C10orf67: variants seen among roughly 807,000 people sequenced by gnomAD.
The protein encoded by C10orf67 is chromosome 10 open reading frame 67.
A neutral mutation model predicts 35.6 loss-of-function variants in C10orf67; 60 were observed. That is an observed-to-expected ratio of 1.68 (90% CI 1.37 to 2.09). The LOEUF is 2.09. Ranked by LOEUF, C10orf67 falls within the 30% of genes most tolerant of loss-of-function variation. The pLI is 0.00. For synonymous variants in C10orf67, 167 were observed against 115.8 expected, an observed-to-expected ratio of 1.44 and a Z score of -2.84; for missense variants, 474 against 330.2, an observed-to-expected ratio of 1.44 and a Z score of -3.38.
chr10:23,227,424 G>C (rs908388253), intron 13 of C10orf67, among the ~76,000 whole-genome samples: 1 of 152,266 alleles, frequency 6.6e-6, no homozygotes. Context: ...ATTAGGTATT[G>C]ATGGGACATA....
At chr10:23,333,909 G>A (rs1412015911) in intron 1 of C10orf67, among the ~76,000 whole-genome samples, 1 of 152,086 alleles carries the variant, frequency 6.6e-6, no homozygotes, top group African/African-American at 2.4e-5. Flanking sequence ...AGGCTGCAGT[G>A]AGCTATGAAA....
At chr10:23,325,995 T>C (rs1010350005) in intron 2 of C10orf67, among the ~76,000 whole-genome samples, 7 of 151,894 alleles carry the variant, frequency 4.6e-5, no homozygotes, top group Non-Finnish European at 7.4e-5. Flanking sequence ...CAATAAAAAA[T>C]AGAAAGAAGA....
At chr10:23,267,767 G>T (rs976386619) in intron 8 of C10orf67, among the ~76,000 whole-genome samples, 1 of 151,920 alleles carries the variant, frequency 6.6e-6, no homozygotes, top group Non-Finnish European at 1.5e-5. Flanking sequence ...TTTTCCGGGC[G>T]TGGTGGTGGG....
intron 8 of C10orf67, among the ~76,000 whole-genome samples, chr10:23,272,502 G>A (rs1430142016): frequency 6.6e-6 from 1 of 152,266 alleles, no homozygotes; most frequent in East Asian, 1.9e-4. Flanking sequence ...CATTATATAT[G>A]ATCCATAAGT....
intron 2 of C10orf67, among the ~76,000 whole-genome samples, chr10:23,325,191 G>T (rs991390985): frequency 4.6e-5 from 7 of 151,998 alleles, no homozygotes; most frequent in Non-Finnish European, 1.0e-4. Flanking sequence ...TTAAAAATTA[G>T]CCAGGCGTGG....
chr10:23,266,143 C>A, intron 10 of C10orf67, 119 bp downstream of exon 10: 1 of 370,660 alleles, frequency 2.7e-6, no homozygotes, highest in Non-Finnish European at 4.6e-6. Flanking sequence ...TGGAGCCCCC[C>A]ACTCAGGGGG....
chr10:23,329,480 T>C (rs2132373331), intron 2 of C10orf67, among the ~76,000 whole-genome samples: 1 of 152,230 alleles, frequency 6.6e-6, no homozygotes, highest in African/African-American at 2.4e-5. Flanking sequence ...AAATAGATAT[T>C]CCCAATCTTA....
At chr10:23,222,374 T>C (rs7913464) in intron 15 of C10orf67, among the ~76,000 whole-genome samples, 19,413 of 152,090 alleles carry the variant, frequency 0.13, 2,386 homozygotes, top group East Asian at 0.66. Context: ...ACTTCCTAAA[T>C]AAAATTGCAG....
chr10:23,225,784 T>C (rs1841721079), intron 13 of C10orf67, among the ~76,000 whole-genome samples: 1 of 152,150 alleles, frequency 6.6e-6, no homozygotes, highest in Non-Finnish European at 1.5e-5. Context: ...GGCCATTACG[T>C]AATGGTAAAG....
intron 13 of C10orf67, among the ~76,000 whole-genome samples, chr10:23,226,088 C>T (rs530932974): frequency 6.6e-6 from 1 of 152,164 alleles, no homozygotes; most frequent in South Asian, 2.1e-4. Context: ...ACCAAGCAGA[C>T]CTAATAGACA....
At chr10:23,326,525 G>A (rs1313410611) in intron 2 of C10orf67, among the ~76,000 whole-genome samples, 1 of 152,028 alleles carries the variant, frequency 6.6e-6, no homozygotes, top group African/African-American at 2.4e-5. Context: ...AAATAATTTG[G>A]GCTGGAAAGC....
chr10:23,257,419 G>T (rs1842630889), intron 10 of C10orf67, among the ~76,000 whole-genome samples: 1 of 152,164 alleles, frequency 6.6e-6, no homozygotes, highest in African/African-American at 2.4e-5. Context: ...AGGTGGACAG[G>T]TTCTATAAGC....
intron 12 of C10orf67, among the ~76,000 whole-genome samples, chr10:23,246,702 C>T (rs1288028075): frequency 6.6e-6 from 1 of 152,098 alleles, no homozygotes; most frequent in Non-Finnish European, 1.5e-5. Context: ...AATCCTGACC[C>T]TGTGTAGGCT....
chr10:23,295,090 C>T (rs984600452), intron 5 of C10orf67, among the ~76,000 whole-genome samples: 5 of 152,164 alleles, frequency 3.3e-5, no homozygotes, highest in Admixed American at 6.5e-5. Flanking sequence ...TATGCTTTGT[C>T]GGGGTCTCCA....
intron 4 of C10orf67, among the ~76,000 whole-genome samples, chr10:23,309,979 G>T (rs545401417): frequency 6.6e-6 from 1 of 152,276 alleles, no homozygotes; most frequent in South Asian, 2.1e-4. Flanking sequence ...TGGTTGTAAG[G>T]TCCAAATACA....
intron 5 of C10orf67, among the ~76,000 whole-genome samples, chr10:23,300,119 C>T (rs934481888): frequency 3.3e-5 from 5 of 152,166 alleles, no homozygotes; most frequent in African/African-American, 1.2e-4. Context: ...ACCCTCAGTC[C>T]TGCTGCTCGA....
At chr10:23,280,669 C>T (rs1843341249) in intron 8 of C10orf67, among the ~76,000 whole-genome samples, 1 of 151,974 alleles carries the variant, frequency 6.6e-6, no homozygotes. Context: ...AAGCTTGGGG[C>T]GCAACAAACT....
chr10:23,272,694 A>G (rs1228987591), intron 8 of C10orf67, among the ~76,000 whole-genome samples: 1 of 152,220 alleles, frequency 6.6e-6, no homozygotes, highest in African/African-American at 2.4e-5. Flanking sequence ...TATAAATTTT[A>G]GGATAGGCTT....
intron 12 of C10orf67, 120 bp from the exon 13 acceptor site, chr10:23,239,936 T>A (rs1453240174): frequency 2.2e-6 from 1 of 453,444 alleles, no homozygotes; most frequent in African/African-American, 2.0e-5. Context: ...CAAATAAAAA[T>A]ATAAAAATAT....
Sources: gnomAD v4.1 joint callset for allele counts (sites outside exome capture counted in the v4.1 genomes callset) on GRCh38, gnomAD v4.1.1 for gene constraint, MANE v1.5 for transcripts, NCBI Gene and HGNC (gene_info 2026-07-23, HGNC 2026-07-21) for gene names.